The following PRKG1 variants were observed in gnomAD, a reference collection of about 807,000 sequenced individuals.
PRKG1 encodes the protein cGMP-dependent protein kinase 1.
PRKG1 carries 35 observed loss-of-function variants against 88.1 expected under a neutral mutation model. That is an observed-to-expected ratio of 0.40 (90% CI 0.30 to 0.53). The LOEUF (loss-of-function observed/expected upper bound fraction) is 0.53. Ranked by LOEUF, PRKG1 falls within the 20% of genes least tolerant of loss-of-function variation. The pLI, the probability that PRKG1 is intolerant of heterozygous loss-of-function variation, is 0.59. For synonymous variants in PRKG1, 303 were observed against 292.5 expected (o/e 1.04, Z -0.37); for missense variants, 540 against 839.8 (o/e 0.64, Z 4.41).
chr10:51,119,692 C>A (rs768227320), intron 1 of PRKG1, among the ~76,000 whole-genome samples: 4 of 151,982 alleles, frequency 2.6e-5, no homozygotes, highest in African/African-American at 7.2e-5. Context: ...ACAATTTTAA[C>A]TTTACCACAA....
At position 51,607,144 on chromosome 10, in the gene PRKG1, G is replaced by A. The variant is rs533207626; in HGVS notation, c.592+139308G>A. 3.3e-4 allele frequency among the ~76,000 whole-genome samples: 50 copies of A among 152,250 alleles called. No individual in the cohort carries two copies. In the South Asian group the frequency reaches 0.01, roughly 32 times the overall value. ...AAAATGGTCTTTAAATGTGCATATC[G>A]AATTAGTAGACTCTCACTGAGAGGC... On this transcript the variant is annotated intron_variant, in intron 3 of 17. Coordinates refer to ENST00000373980, the MANE Select transcript of PRKG1 (RefSeq NM_006258.4).
At chr10:51,706,215 C>A (rs1215997587) in intron 3 of PRKG1, among the ~76,000 whole-genome samples, 1 of 152,164 alleles carries the variant, frequency 6.6e-6, no homozygotes, top group African/African-American at 2.4e-5. Context: ...TGGTATATAA[C>A]TTTTTTTCCC....
In PRKG1 at chr10:52,294,516, T is replaced by C. The variant is rs1199733784; in HGVS notation, c.*616T>C. 1 of 152,572 alleles carries C rather than the reference T, an allele frequency of 6.6e-6. No homozygotes were observed. Among genetic ancestry groups the C allele is most frequent in the Non-Finnish European group, 1.5e-5 (1 of 68,032 alleles). The allele number at this position is 152,572 out of a possible 1,614,324, so 9.5% of individuals were successfully genotyped here. ...TTTCTTTCTGACAGATTTTAAAAAT[T>C]GATATGATAAAAGCACAACTGCTAT... On this transcript the variant is annotated 3_prime_UTR_variant, in exon 18 of 18. Transcript: ENST00000373980.
intron 3 of PRKG1, among the ~76,000 whole-genome samples, chr10:51,628,172 CT>C (rs1215960358): frequency 3.5e-5 from 2 of 57,618 alleles, no homozygotes; most frequent in African/African-American, 1.3e-4. Context: ...TTATTTATTT[CT>C]TTTCTTTCTT....
intron 1 of PRKG1, among the ~76,000 whole-genome samples, chr10:51,012,315 G>A (rs1045397170): frequency 6.6e-5 from 10 of 152,216 alleles, no homozygotes; most frequent in Non-Finnish European, 8.8e-5. Context: ...CAAGGAGAGG[G>A]CTGTTGACAG....
At chr10:51,603,099 A>C (rs1437991986) in intron 3 of PRKG1, among the ~76,000 whole-genome samples, 5 of 151,856 alleles carry the variant, frequency 3.3e-5, no homozygotes, top group African/African-American at 7.3e-5. Context: ...CTAGGATTAC[A>C]AGTGCAGACC....
At chr10:51,498,865 C>T (rs1840940576) in intron 3 of PRKG1, among the ~76,000 whole-genome samples, 1 of 149,582 alleles carries the variant, frequency 6.7e-6, no homozygotes, top group South Asian at 2.1e-4. Context: ...TTTTCCTAAC[C>T]TTCTTTAGCT....
At chr10:52,242,461 G>T (rs947754505) in intron 9 of PRKG1, among the ~76,000 whole-genome samples, 10 of 151,964 alleles carry the variant, frequency 6.6e-5, no homozygotes, top group African/African-American at 2.4e-4. Context: ...ATTCTGTAAA[G>T]CAAAAAAGAA....
At position 52,223,155 on chromosome 10, in the gene PRKG1, T is replaced by G. The variant is rs114198679; in HGVS notation, c.1077-28415T>G. ...ACACTTTATCTCCATATCCCTGCTT[T>G]GACTGCTAATCCAGTTCTTTGTTCC... On this transcript the variant is annotated intron_variant, in intron 9 of 17. Transcript: ENST00000373980. Among the ~76,000 whole-genome samples the G allele has an allele frequency of 4.2e-3, 632 of 152,288 alleles. 3 individuals are homozygous for G. The highest frequency in any genetic ancestry group is 0.015 in the African/African-American group (604 of 41,560).
At chr10:52,246,090 A>G (rs1841015270) in intron 9 of PRKG1, among the ~76,000 whole-genome samples, 1 of 152,148 alleles carries the variant, frequency 6.6e-6, no homozygotes, top group Non-Finnish European at 1.5e-5. Flanking sequence ...TTTGGTTTCC[A>G]ATACATAGGG....
At chr10:52,175,103 C>A (rs1391193984) in intron 9 of PRKG1, among the ~76,000 whole-genome samples, 4 of 152,038 alleles carry the variant, frequency 2.6e-5, no homozygotes, top group African/African-American at 9.7e-5. Context: ...AGCTGCAATT[C>A]TGTGTCCTTT....
At chr10:51,378,058 T>C (rs2132622621) in intron 2 of PRKG1, among the ~76,000 whole-genome samples, 1 of 152,334 alleles carries the variant, frequency 6.6e-6, no homozygotes, top group South Asian at 2.1e-4. Context: ...CCAGGATGTC[T>C]CATTATGAGA....
intron 7 of PRKG1, among the ~76,000 whole-genome samples, chr10:52,093,183 C>G (rs76300014): frequency 0.15 from 22,265 of 152,110 alleles, 1,912 homozygotes; most frequent in South Asian, 0.28. Flanking sequence ...TATATTGGAA[C>G]ATAAAGAAGT....
intron 2 of PRKG1, among the ~76,000 whole-genome samples, chr10:51,411,349 C>G (rs1035038457): frequency 2.0e-5 from 3 of 152,122 alleles, no homozygotes; most frequent in Non-Finnish European, 4.4e-5. Context: ...AGGGTTTAAT[C>G]AACTCGTTTA....
chr10:51,451,324 A>C (rs556851113), intron 2 of PRKG1, among the ~76,000 whole-genome samples: 2 of 151,748 alleles, frequency 1.3e-5, no homozygotes, highest in East Asian at 3.9e-4. Flanking sequence ...TCTTAAACTA[A>C]CGTGATTTGT....
At chr10:51,749,219 T>G (rs960520996) in intron 3 of PRKG1, among the ~76,000 whole-genome samples, 2 of 152,048 alleles carry the variant, frequency 1.3e-5, no homozygotes, top group African/African-American at 4.8e-5. Flanking sequence ...AATGCTTAAG[T>G]TTTTTTTTAT....
chr10:52,238,646 G>T (rs1418093086), intron 9 of PRKG1, among the ~76,000 whole-genome samples: 3 of 149,042 alleles, frequency 2.0e-5, no homozygotes, highest in Non-Finnish European at 4.4e-5. Context: ...AGTTAGAATG[G>T]CAATCATTAA....
chr10:51,514,575 C>T (rs1455628983), intron 3 of PRKG1, among the ~76,000 whole-genome samples: 1 of 152,178 alleles, frequency 6.6e-6, no homozygotes, highest in Non-Finnish European at 1.5e-5. Context: ...CATGATGTGG[C>T]TTCCAAAGAC....
At chr10:52,103,059 C>T (rs1349689728) in intron 7 of PRKG1, among the ~76,000 whole-genome samples, 2 of 152,124 alleles carry the variant, frequency 1.3e-5, no homozygotes, top group East Asian at 3.9e-4. Context: ...AGCACAAACC[C>T]TATTTTGAAC....
Sources: allele counts gnomAD v4.1 joint callset (sites outside exome capture counted in the v4.1 genomes callset), GRCh38; gene constraint gnomAD v4.1.1; transcripts MANE v1.5; gene names NCBI Gene and HGNC (gene_info 2026-07-23, HGNC 2026-07-21).